Variants in KCNQ3 observed in about 807,000 individuals in gnomAD.
KCNQ3 encodes the protein potassium voltage-gated channel subfamily KQT member 3.
In KCNQ3, 30 loss-of-function variants were observed where a neutral mutation model predicts 92.5. The ratio of observed to expected loss-of-function variants is 0.32; its 90% CI spans 0.24 to 0.44. The LOEUF (loss-of-function observed/expected upper bound fraction) is 0.44, where lower values mean the gene tolerates loss of function less well. KCNQ3 is among the 20% of genes least tolerant of loss of function. The pLI is 1.00. For missense variants in KCNQ3, 913 were observed against 1,140.3 expected (o/e 0.80, Z 2.87); for synonymous variants, 450 against 468.8 (o/e 0.96, Z 0.52).
intron 1 of KCNQ3, among the ~76,000 whole-genome samples, chr8:132,237,069 A>G (rs767089155): frequency 2.4e-4 from 36 of 152,224 alleles, no homozygotes; most frequent in Non-Finnish European, 4.7e-4. Context: ...AGGACCCTGC[A>G]CAGAGAATCT....
At chr8:132,153,170 A>G (rs1027139906) in intron 9 of KCNQ3, among the ~76,000 whole-genome samples, 1 of 152,214 alleles carries the variant, frequency 6.6e-6, no homozygotes, top group Non-Finnish European at 1.5e-5. Context: ...TGGGTAATGT[A>G]AAAATCTGGA....
intron 8 of KCNQ3, among the ~76,000 whole-genome samples, chr8:132,164,901 A>G (rs1826097453): frequency 6.6e-6 from 1 of 152,018 alleles, no homozygotes; most frequent in East Asian, 1.9e-4. Flanking sequence ...ACTGAGATCT[A>G]CCCATGGTCT....
intron 1 of KCNQ3, among the ~76,000 whole-genome samples, chr8:132,446,916 G>A (rs1162967369): frequency 1.3e-5 from 2 of 152,208 alleles, no homozygotes; most frequent in Non-Finnish European, 2.9e-5. Flanking sequence ...GCACGTGAGT[G>A]GTGTGTGAGA....
chr8:132,247,798 TAA>T (rs11424425), intron 1 of KCNQ3, among the ~76,000 whole-genome samples: 1 of 138,656 alleles, frequency 7.2e-6, no homozygotes. Context: ...AACTCCCTCT[TAA>T]AAAAAAAAAA....
At chr8:132,174,114 G>A (rs543458308) in intron 6 of KCNQ3, 125 bp downstream of exon 6, 2 of 753,274 alleles carry the variant, frequency 2.7e-6, no homozygotes, top group Admixed American at 4.0e-5. Flanking sequence ...TCATGCTTAA[G>A]GGAATGGCTA....
chr8:132,155,637 G>A (rs1315109982), intron 9 of KCNQ3, among the ~76,000 whole-genome samples: 1 of 152,180 alleles, frequency 6.6e-6, no homozygotes, highest in Non-Finnish European at 1.5e-5. Context: ...ATTATTAAAA[G>A]TAATCTGTAA....
At position 132,365,332 on chromosome 8, in the gene KCNQ3, T is replaced by C. The variant is rs1248312087; in HGVS notation, c.386+114815A>G. Among the ~76,000 whole-genome samples, 4 of 152,378 alleles carry C rather than the reference T, an allele frequency of 2.6e-5. 1 individual carries two copies. The highest frequency in any genetic ancestry group is 9.6e-5 in the African/African-American group (4 of 41,596). On this transcript the variant is annotated intron_variant, in intron 1 of 14. Transcript: ENST00000388996. Reference sequence around the variant, plus strand: ...TGTGAGAGGCGTGTTAGACGCCTTATGTGGGTGAACTAATTTAATTCTTAC... The same window carrying C: ...TGTGAGAGGCGTGTTAGACGCCTTACGTGGGTGAACTAATTTAATTCTTAC...
chr8:132,204,188 A>T (rs529368622), intron 1 of KCNQ3, among the ~76,000 whole-genome samples: 2 of 152,252 alleles, frequency 1.3e-5, no homozygotes, highest in African/African-American at 4.8e-5. Context: ...CCTTGAGGAC[A>T]AACCCTTTTA....
intron 1 of KCNQ3, among the ~76,000 whole-genome samples, chr8:132,443,916 T>C (rs538617143): frequency 6.6e-6 from 1 of 152,120 alleles, no homozygotes; most frequent in Non-Finnish European, 1.5e-5. Flanking sequence ...CCAAGCATTG[T>C]TCTCAGCACT....
intron 1 of KCNQ3, among the ~76,000 whole-genome samples, chr8:132,201,557 G>GA (rs1012187105): frequency 1.3e-5 from 2 of 150,350 alleles, no homozygotes; most frequent in Admixed American, 6.6e-5. Context: ...TAGGCAAGAA[G>GA]AAAAAAAAAT....
Position 132,151,580 on chromosome 8 carries a change from T to A in KCNQ3, c.1263-10249A>T, listed in dbSNP as rs1245169968. On this transcript the variant is annotated intron_variant, in intron 9 of 14. Transcript: ENST00000388996. ...CAACAAGGTATTCTCAAGGCATTAA[T>A]CTTCTCTTTAGCAAAATTTGTAAAG... 5.3e-5 allele frequency among the ~76,000 whole-genome samples: 8 copies of A among 152,366 alleles called. No individual in the cohort carries two copies. In the East Asian group the frequency reaches 1.5e-3, roughly 29 times the overall value.
intron 1 of KCNQ3, among the ~76,000 whole-genome samples, chr8:132,387,360 G>A (rs562592726): frequency 5.3e-5 from 8 of 152,230 alleles, no homozygotes; most frequent in South Asian, 4.1e-4. Context: ...GTTTGATGTC[G>A]TTCCCAATTT....
At chr8:132,398,045 A>T (rs1820238237) in intron 1 of KCNQ3, among the ~76,000 whole-genome samples, 1 of 152,218 alleles carries the variant, frequency 6.6e-6, no homozygotes, top group African/African-American at 2.4e-5. Context: ...AAGGGAAACC[A>T]GTGGTTTCAG....
chr8:132,449,189 C>T (rs1318569796), intron 1 of KCNQ3, among the ~76,000 whole-genome samples: 1 of 152,124 alleles, frequency 6.6e-6, no homozygotes, highest in East Asian at 1.9e-4. Flanking sequence ...AGTAAATGGC[C>T]TCATTGTGAA....
intron 1 of KCNQ3, among the ~76,000 whole-genome samples, chr8:132,385,642 G>A (rs1819870262): frequency 6.6e-6 from 1 of 152,112 alleles, no homozygotes; most frequent in Admixed American, 6.5e-5. Flanking sequence ...CTTCCACCAT[G>A]GAATGATGCA....
At chr8:132,247,542 T>C (rs1287629497) in intron 1 of KCNQ3, among the ~76,000 whole-genome samples, 1 of 152,070 alleles carries the variant, frequency 6.6e-6, no homozygotes, top group Admixed American at 6.5e-5. Flanking sequence ...ATCTCAGCAC[T>C]TTCAGAGGTC....
chr8:132,383,582 A>G (rs572441303), intron 1 of KCNQ3, among the ~76,000 whole-genome samples: 1 of 152,320 alleles, frequency 6.6e-6, no homozygotes, highest in South Asian at 2.1e-4. Flanking sequence ...GCTGAGCCCC[A>G]GCGCCATATA....
chr8:132,362,050 T>C (rs1345432300), intron 1 of KCNQ3, among the ~76,000 whole-genome samples: 1 of 152,198 alleles, frequency 6.6e-6, no homozygotes, highest in African/African-American at 2.4e-5. Context: ...TTTTGAATTA[T>C]AGGATGTAAC....
At chr8:132,258,500 C>A (rs1480493392) in intron 1 of KCNQ3, among the ~76,000 whole-genome samples, 2 of 151,928 alleles carry the variant, frequency 1.3e-5, no homozygotes, top group Non-Finnish European at 2.9e-5. Context: ...TTATGAGATA[C>A]AGCAGAACAA....
Sources: gnomAD v4.1 joint callset for allele counts (sites outside exome capture counted in the v4.1 genomes callset) on GRCh38, gnomAD v4.1.1 for gene constraint, MANE v1.5 for transcripts, NCBI Gene and HGNC (gene_info 2026-07-23, HGNC 2026-07-21) for gene names.